The following PABPC1 variants were observed in gnomAD, a reference collection of about 807,000 sequenced individuals.
PABPC1 encodes polyadenylate-binding protein 1.
Under a neutral mutation model 74.0 loss-of-function variants are expected in PABPC1, and 4 were observed. That is an observed-to-expected ratio of 0.05 (90% CI 0.03 to 0.12). The LOEUF is 0.12. PABPC1 is among the 10% of genes least tolerant of loss of function. The probability of loss-of-function intolerance (pLI) is 1.00; values close to 1 mark genes in which losing one functional copy is unlikely to be tolerated. For missense variants in PABPC1, 271 were observed against 821.1 expected, an observed-to-expected ratio of 0.33 and a Z score of 8.19; for synonymous variants, 227 against 264.1, an observed-to-expected ratio of 0.86 and a Z score of 1.36.
At position 100,721,355 on chromosome 8, in the gene PABPC1, C is replaced by A. The variant is rs762919335; in HGVS notation, c.193+36G>T. 6.0e-6 allele frequency: 8 copies of A among 1,341,716 alleles called. No homozygotes were observed. The highest frequency in any genetic ancestry group is 7.8e-6 in the Non-Finnish European group (8 of 1,025,660). 83.1% of individuals were successfully genotyped at this position (1,341,716 alleles called of 1,614,324 possible). A position where few individuals can be genotyped will look rare whatever the true frequency, so the allele number is the denominator to read the frequency against. On this transcript the variant is annotated intron_variant, in intron 1 of 14. Coordinates refer to ENST00000318607, the MANE Select transcript of PABPC1 (RefSeq NM_002568.4). The surrounding 1 kb of genome is among the most constrained non-coding windows in gnomAD (Gnocchi z 7.4). Reference sequence around the variant, plus strand: ...GCCGCCGCCCGAGCCTCATGGCCGCCCGCCCGCCCGGCCGACCGCGGAGCC... The same window carrying A: ...GCCGCCGCCCGAGCCTCATGGCCGCACGCCCGCCCGGCCGACCGCGGAGCC...
intron 7 of PABPC1, among the ~76,000 whole-genome samples, 180 bp downstream of exon 7, chr8:100,712,182 G>A (rs1036778277): frequency 3.3e-5 from 5 of 152,180 alleles, no homozygotes; most frequent in Non-Finnish European, 5.9e-5. Context: ...AGAGTTCAGT[G>A]CTTGCCATTT....
chr8:100,720,900 G>A (rs1387577759), intron 1 of PABPC1, among the ~76,000 whole-genome samples: 1 of 152,208 alleles, frequency 6.6e-6, no homozygotes, highest in Non-Finnish European at 1.5e-5. Flanking sequence ...AGCAGGAGCA[G>A]AAGCAGGCCT....
chr8:100,715,946 G>A (rs542259186), intron 3 of PABPC1, among the ~76,000 whole-genome samples: 3 of 152,288 alleles, frequency 2.0e-5, no homozygotes, highest in East Asian at 1.9e-4. Context: ...AGCTTTCATC[G>A]TCATTTTAAA....
At chr8:100,703,895 C>A (rs913877022) in intron 14 of PABPC1, among the ~76,000 whole-genome samples, 2 of 151,930 alleles carry the variant, frequency 1.3e-5, no homozygotes, top group Admixed American at 6.6e-5. Context: ...AGTAAAAATA[C>A]AAAAATTAGC....
chr8:100,718,033 A>C, intron 2 of PABPC1, 54 bp downstream of exon 2: 1 of 1,509,780 alleles, frequency 6.6e-7, no homozygotes, highest in Non-Finnish European at 9.2e-7. Context: ...TTCAAGCACT[A>C]AACTAAATGT....
chr8:100,715,108 A>G (rs1810632013), intron 4 of PABPC1, among the ~76,000 whole-genome samples: 1 of 147,486 alleles, frequency 6.8e-6, no homozygotes, highest in Non-Finnish European at 1.5e-5. Flanking sequence ...TTCTGATGAC[A>G]TGGGATCTCT....
intron 8 of PABPC1, 65 bp downstream of exon 8, chr8:100,709,394 C>CA: frequency 5.7e-6 from 9 of 1,589,672 alleles, no homozygotes; most frequent in Non-Finnish European, 7.8e-6. Context: ...GCGAGGGGCA[C>CA]AAAAAACACT....
chr8:100,715,410 C>G (rs936514943), intron 4 of PABPC1, 52 bp downstream of exon 4: 1 of 1,476,216 alleles, frequency 6.8e-7, no homozygotes, highest in East Asian at 2.3e-5. Context: ...AAAATTAACA[C>G]TGAGCACTAA....
intron 7 of PABPC1, among the ~76,000 whole-genome samples, chr8:100,710,326 G>A (rs1345915072): frequency 1.3e-5 from 2 of 152,152 alleles, no homozygotes; most frequent in Non-Finnish European, 2.9e-5. Context: ...AGAACCACTC[G>A]CTAGGCCAGC....
intron 13 of PABPC1, 86 bp from the exon 14 acceptor site, chr8:100,704,476 A>G: frequency 9.0e-7 from 1 of 1,108,150 alleles, no homozygotes; most frequent in Non-Finnish European, 1.4e-6. Flanking sequence ...ATTCCCAACA[A>G]AGATAAGTTT....
chr8:100,713,566 A>G (rs1810584923), intron 4 of PABPC1, among the ~76,000 whole-genome samples: 1 of 152,136 alleles, frequency 6.6e-6, no homozygotes, highest in Non-Finnish European at 1.5e-5. Context: ...GAATAAGCTC[A>G]CTTTAACTCA....
At chr8:100,714,430 G>C (rs1810610983) in intron 4 of PABPC1, among the ~76,000 whole-genome samples, 1 of 152,130 alleles carries the variant, frequency 6.6e-6, no homozygotes, top group Non-Finnish European at 1.5e-5. Flanking sequence ...TAGCATGGCA[G>C]TAAGATATTA....
chr8:100,703,147 G>GT lies in PABPC1; in HGVS notation c.*213dup, dbSNP rs1165345168. The GT allele has an allele frequency of 1.2e-5, 2 of 162,000 alleles. No individual in the cohort carries two copies. The highest frequency in any genetic ancestry group is 2.9e-5 in the Non-Finnish European group (2 of 67,884). The allele number at this position is 162,000 out of a possible 1,614,324, so 10.0% of individuals were successfully genotyped here. ...TTTTTATATTTTACTATTTTTTTGT[G>GT]TTTTTTTGTTTTTAAATCAATAAGT... On this transcript the variant is annotated 3_prime_UTR_variant, in exon 15 of 15. Transcript: ENST00000318607.
intron 3 of PABPC1, among the ~76,000 whole-genome samples, chr8:100,717,483 TTTAC>T (rs2129745707): frequency 6.6e-6 from 1 of 152,328 alleles, no homozygotes; most frequent in East Asian, 1.9e-4. Context: ...CATTTTTCTG[TTTAC>T]TTATCTTCTG....
chr8:100,720,408 T>C (rs1197606141), intron 1 of PABPC1, among the ~76,000 whole-genome samples: 1 of 152,244 alleles, frequency 6.6e-6, no homozygotes, highest in Non-Finnish European at 1.5e-5. Context: ...ACAGGTATCA[T>C]GGGCCACTTT....
chr8:100,704,204 C>A, intron 14 of PABPC1, 93 bp downstream of exon 14: 3 of 928,826 alleles, frequency 3.2e-6, no homozygotes, highest in Non-Finnish European at 5.2e-6. Context: ...GTAAAATGAT[C>A]TTTTGCTATG....
In PABPC1 at chr8:100,721,259, C is replaced by A. The variant is rs564491232; in HGVS notation, c.193+132G>T. The A allele has an allele frequency of 3.2e-3, 1,042 of 322,690 alleles. 13 individuals are homozygous for A. Among genetic ancestry groups the A allele is most frequent in the African/African-American group, 0.022 (988 of 44,560 alleles). The allele number at this position is 322,690 out of a possible 1,614,324, so 20.0% of individuals were successfully genotyped here. On this transcript the variant is annotated intron_variant, in intron 1 of 14. Coordinates refer to ENST00000318607, the MANE Select transcript of PABPC1 (RefSeq NM_002568.4). This position sits in a 1 kb window ranked among gnomAD's most constrained non-coding sequence, Gnocchi z 7.4. ...GCGGCTCCAGGGACCCCGGCGCCTT[C>A]CCGCCGGCCGTCGCGGGGTGACATG...
At chr8:100,704,463 C>A in intron 13 of PABPC1, 73 bp from the exon 14 acceptor site, 2 of 1,185,658 alleles carry the variant, frequency 1.7e-6, no homozygotes, top group Non-Finnish European at 2.5e-6. Context: ...TGGTAACATA[C>A]CAATTCCCAA....
chr8:100,713,408 G>A (rs1403152071), intron 4 of PABPC1, among the ~76,000 whole-genome samples: 1 of 152,130 alleles, frequency 6.6e-6, no homozygotes, highest in African/African-American at 2.4e-5. Context: ...TTCCATTTAA[G>A]GAGGTACACT....
Sources: gnomAD v4.1 joint callset for allele counts (sites outside exome capture counted in the v4.1 genomes callset) on GRCh38, gnomAD v4.1.1 for gene constraint, Gnocchi (gnomAD v3.1) non-coding constraint, MANE v1.5 for transcripts, NCBI Gene and HGNC (gene_info 2026-07-23, HGNC 2026-07-21) for gene names.